Variants in RAB6A observed in about 807,000 individuals in gnomAD.
The protein encoded by RAB6A is ras-related protein Rab-6A.
RAB6A carries 8 observed loss-of-function variants against 32.3 expected under a neutral mutation model. The ratio of observed to expected loss-of-function variants is 0.25; its 90% CI spans 0.15 to 0.45. The LOEUF (loss-of-function observed/expected upper bound fraction) is 0.45. Among genes scored for constraint, RAB6A ranks in the 20% least tolerant of loss-of-function variants. The probability of loss-of-function intolerance (pLI) is 1.00; values close to 1 mark genes in which losing one functional copy is unlikely to be tolerated. For synonymous variants in RAB6A, 73 were observed against 82.1 expected, an observed-to-expected ratio of 0.89 and a Z score of 0.60; for missense variants, 104 against 249.4, an observed-to-expected ratio of 0.42 and a Z score of 3.93.
chr11:73,701,586 G>C (rs1277956164), intron 6 of RAB6A, among the ~76,000 whole-genome samples: 1 of 152,218 alleles, frequency 6.6e-6, no homozygotes, highest in Non-Finnish European at 1.5e-5. Flanking sequence ...GCTTGTATAA[G>C]ACTAACACTC....
intron 1 of RAB6A, among the ~76,000 whole-genome samples, chr11:73,731,731 T>C (rs796576870): frequency 0.32 from 5,352 of 16,774 alleles, 343 homozygotes; most frequent in Middle Eastern, 0.44. Flanking sequence ...TATATATATA[T>C]ACACACACAC....
intron 1 of RAB6A, among the ~76,000 whole-genome samples, chr11:73,742,880 T>C (rs1039381659): frequency 4.6e-5 from 7 of 150,886 alleles, no homozygotes; most frequent in African/African-American, 1.2e-4. Context: ...AACTATTAAA[T>C]GCTAGGAAAT....
chr11:73,722,337 A>ATTT (rs1946152503), intron 2 of RAB6A: 2 of 9,998 alleles, frequency 2.0e-4, no homozygotes, highest in African/African-American at 7.2e-4. Context: ...ATATATATAT[A>ATTT]TATATATTTT....
chr11:73,714,871 C>T (rs1946030169), intron 5 of RAB6A, among the ~76,000 whole-genome samples: 1 of 151,914 alleles, frequency 6.6e-6, no homozygotes, highest in African/African-American at 2.4e-5. Context: ...GAGGCTGAGG[C>T]AGAAGAATCG....
chr11:73,706,302 T>G (rs1222312270), intron 6 of RAB6A, among the ~76,000 whole-genome samples: 1 of 151,514 alleles, frequency 6.6e-6, no homozygotes, highest in Non-Finnish European at 1.5e-5. Context: ...GATCACGAGG[T>G]CAGGAGATTG....
chr11:73,739,280 A>ATACATATATATATATATATAT lies in RAB6A; in HGVS notation c.71-8458_71-8457insATATATATATATATATATGTA, dbSNP rs1389085059. 4.3e-4 allele frequency among the ~76,000 whole-genome samples: 8 copies of ATACATATATATATATATATAT among 18,420 alleles called. 1 individual carries two copies. Among genetic ancestry groups the ATACATATATATATATATATAT allele is most frequent in the African/African-American group, 9.5e-4 (8 of 8,396 alleles). The allele number at this position is 18,420 out of a possible 152,430, so 12.1% of individuals were successfully genotyped here. A position where few individuals can be genotyped will look rare whatever the true frequency, so the allele number is the denominator to read the frequency against. ...ATAATAATTAAAAAAAAAAAAAAAA[A>ATACATATATATATATATATAT]AAAAATATATATATATATATATATA... On this transcript the variant is annotated intron_variant, in intron 1 of 7. Transcript: ENST00000336083.
In RAB6A at chr11:73,676,001, C is replaced by G. The variant is rs1218479641; in HGVS notation, c.*1897G>C. 7.4e-6 allele frequency: 1 copy of G among 134,944 alleles called. No homozygotes were observed. The highest frequency in any genetic ancestry group is 9.3e-5 in the Admixed American group (1 of 10,794). The allele number at this position is 134,944 out of a possible 1,614,324, so 8.4% of individuals were successfully genotyped here. ...TGTATTATAAAAGCACTTTACAACT[C>G]CATCCCATCTTTAAGTATAAGTTAC... On this transcript the variant is annotated 3_prime_UTR_variant, in exon 8 of 8. Coordinates refer to ENST00000336083, the MANE Select transcript of RAB6A (RefSeq NM_198896.2).
chr11:73,736,140 G>A (rs562426891), intron 1 of RAB6A, among the ~76,000 whole-genome samples: 6 of 152,046 alleles, frequency 3.9e-5, no homozygotes, highest in East Asian at 1.9e-4. Context: ...GAAATTCACC[G>A]TTTTAAGGCC....
chr11:73,739,285 ATATATATATAT>A (rs1396234574), intron 1 of RAB6A, among the ~76,000 whole-genome samples: 222 of 19,900 alleles, frequency 0.011, 10 homozygotes, highest in Non-Finnish European at 0.021. Context: ...AAAAAAAAAA[ATATATATATAT>A]ATATATATAA....
chr11:73,724,945 G>A (rs543026956), intron 2 of RAB6A, among the ~76,000 whole-genome samples: 1 of 152,256 alleles, frequency 6.6e-6, no homozygotes, highest in Admixed American at 6.5e-5. Context: ...AATAGTGCCT[G>A]ATATATAACA....
chr11:73,717,658 G>A (rs1442686637), intron 4 of RAB6A, among the ~76,000 whole-genome samples: 1 of 152,168 alleles, frequency 6.6e-6, no homozygotes, highest in Non-Finnish European at 1.5e-5. Context: ...TGGTCAGGCT[G>A]GTCTCAAACT....
At chr11:73,713,235 G>A (rs1945993139) in intron 5 of RAB6A, among the ~76,000 whole-genome samples, 1 of 152,136 alleles carries the variant, frequency 6.6e-6, no homozygotes, top group African/African-American at 2.4e-5. Flanking sequence ...AGAGCATTTG[G>A]CATAGTTAAT....
chr11:73,745,011 A>AT (rs1471605535), intron 1 of RAB6A, among the ~76,000 whole-genome samples: 1 of 151,914 alleles, frequency 6.6e-6, no homozygotes, highest in Non-Finnish European at 1.5e-5. Flanking sequence ...GAGTACTGGC[A>AT]TAAGACTGAC....
intron 2 of RAB6A, among the ~76,000 whole-genome samples, chr11:73,728,025 G>T (rs1946248117): frequency 6.6e-6 from 1 of 151,948 alleles, no homozygotes; most frequent in Non-Finnish European, 1.5e-5. Flanking sequence ...TTAAATCTAT[G>T]CTCCCCAATT....
chr11:73,691,531 A>C (rs10736793), intron 6 of RAB6A, among the ~76,000 whole-genome samples: 121,104 of 152,160 alleles, frequency 0.8, 48,434 homozygotes, highest in East Asian at 0.86. Flanking sequence ...TTACTTCTCT[A>C]TCTTTCCCTC....
chr11:73,719,984 AC>A (rs1946110525), intron 3 of RAB6A, among the ~76,000 whole-genome samples: 1 of 151,756 alleles, frequency 6.6e-6, no homozygotes. Context: ...GAAAAAAAAA[AC>A]ACCTAAGAAA....
Position 73,702,202 on chromosome 11 carries a change from C to G in RAB6A, c.495+5218G>C, listed in dbSNP as rs75747168. Among the ~76,000 whole-genome samples, 1,288 of 152,268 alleles carry G rather than the reference C, an allele frequency of 8.5e-3. 18 individuals carry two copies. The highest frequency in any genetic ancestry group is 0.029 in the African/African-American group (1,204 of 41,524). ...TTATTGAGACAGTCTTGTTCTGTTG[C>G]TTAGGCTGGAATGCAGTGGCGCAAT... is the stretch of plus-strand genomic sequence containing the variant. On this transcript the variant is annotated intron_variant, in intron 6 of 7. Transcript: ENST00000336083.
At chr11:73,756,073 C>T (rs1419938098) in intron 1 of RAB6A, among the ~76,000 whole-genome samples, 1 of 152,050 alleles carries the variant, frequency 6.6e-6, no homozygotes, top group Non-Finnish European at 1.5e-5. Context: ...TCAGTACTGG[C>T]CAGGCGTGGT....
chr11:73,733,550 CAA>C (rs773779816), intron 1 of RAB6A, among the ~76,000 whole-genome samples: 18 of 118,428 alleles, frequency 1.5e-4, no homozygotes, highest in African/African-American at 4.8e-4. Flanking sequence ...GACACCATCT[CAA>C]AAAAAAAAAA....
Sources: gnomAD v4.1 joint callset for allele counts (sites outside exome capture counted in the v4.1 genomes callset) on GRCh38, gnomAD v4.1.1 for gene constraint, MANE v1.5 for transcripts, NCBI Gene and HGNC (gene_info 2026-07-23, HGNC 2026-07-21) for gene names.